The following ARMC9 variants were observed in gnomAD, a reference collection of about 807,000 sequenced individuals.
ARMC9 encodes the protein lisH domain-containing protein ARMC9.
In ARMC9, 94 loss-of-function variants were observed where a neutral mutation model predicts 107.0. The ratio of observed to expected loss-of-function variants is 0.88; its 90% CI spans 0.74 to 1.04. The LOEUF (loss-of-function observed/expected upper bound fraction) is 1.04, where lower values mean the gene tolerates loss of function less well. ARMC9 is among the 50% of genes least tolerant of loss of function. The probability of loss-of-function intolerance (pLI) is 0.00; values close to 1 mark genes in which losing one functional copy is unlikely to be tolerated. For synonymous variants in ARMC9, 380 were observed against 396.9 expected (o/e 0.96, Z 0.51); for missense variants, 942 against 1,030.1 (o/e 0.91, Z 1.17).
intron 17 of ARMC9, among the ~76,000 whole-genome samples, chr2:231,286,945 T>C (rs1490274354): frequency 1.3e-5 from 2 of 152,110 alleles, no homozygotes; most frequent in African/African-American, 4.8e-5. Flanking sequence ...ATCAGATAAG[T>C]GGAGCTGCCC....
At chr2:231,231,125 G>T (rs1038826272) in intron 7 of ARMC9, among the ~76,000 whole-genome samples, 3 of 152,184 alleles carry the variant, frequency 2.0e-5, no homozygotes, top group Admixed American at 1.3e-4. Flanking sequence ...ACTTCCGGGG[G>T]GAAGGGTTCC....
intron 1 of ARMC9, among the ~76,000 whole-genome samples, chr2:231,202,529 C>G (rs955337130): frequency 2.0e-5 from 3 of 150,540 alleles, no homozygotes; most frequent in Non-Finnish European, 4.4e-5. Context: ...ACCACGTTGC[C>G]CAGGCTGGTC....
intron 3 of ARMC9, among the ~76,000 whole-genome samples, chr2:231,211,901 TTGTCACAAG>T (rs1481113176): frequency 6.6e-6 from 1 of 152,186 alleles, no homozygotes; most frequent in Non-Finnish European, 1.5e-5. Context: ...AACTTTCTGA[TTGTCACAAG>T]CATATCTTTT....
At chr2:231,257,675 CACTT>C (rs1396014870) in intron 10 of ARMC9, among the ~76,000 whole-genome samples, 9 of 152,142 alleles carry the variant, frequency 5.9e-5, no homozygotes, top group South Asian at 2.1e-4. Flanking sequence ...TCAGTTTCCT[CACTT>C]ACAAAATGAG....
chr2:231,268,954 C>A (rs945229199), intron 12 of ARMC9, among the ~76,000 whole-genome samples: 3 of 152,082 alleles, frequency 2.0e-5, no homozygotes, highest in Admixed American at 6.6e-5. Context: ...GTAGTCCCAG[C>A]TAACTCAGAA....
At chr2:231,324,189 G>A (rs2043169612) in intron 19 of ARMC9, among the ~76,000 whole-genome samples, 1 of 136,810 alleles carries the variant, frequency 7.3e-6, no homozygotes, top group South Asian at 2.3e-4. Context: ...GTGCAGTGGT[G>A]CAATCTCGGC....
chr2:231,235,639 C>A (rs1174844423), intron 8 of ARMC9, among the ~76,000 whole-genome samples: 2 of 152,078 alleles, frequency 1.3e-5, no homozygotes, highest in South Asian at 2.1e-4. Flanking sequence ...CTACTTTATT[C>A]TTTTTTGTTT....
rs114968939 is a variant in ARMC9 at position 231,255,069 on chromosome 2, C to T, written c.880-1517C>T. Among the ~76,000 whole-genome samples the T allele has an allele frequency of 5.4e-3, 828 of 152,194 alleles. 8 individuals carry two copies. Among genetic ancestry groups the T allele is most frequent in the African/African-American group, 0.018 (745 of 41,518 alleles). On this transcript the variant is annotated intron_variant, in intron 9 of 24. Coordinates refer to ENST00000611582, the MANE Select transcript of ARMC9 (RefSeq NM_001352754.2). The surrounding 1 kb of genome is among the most constrained non-coding windows in gnomAD (Gnocchi z 4.7). ...CTTATTTTCTCAAAATATCTTTTTACAGTTGGTTTATTTGAGTCAGTTCAA... is the reference window on the plus strand; with the variant it reads ...CTTATTTTCTCAAAATATCTTTTTATAGTTGGTTTATTTGAGTCAGTTCAA...
rs2039487542 is a variant in ARMC9 at position 231,273,163 on chromosome 2, A to AT, written c.1334+90dup. On this transcript the variant is annotated intron_variant, in intron 14 of 24. Coordinates refer to ENST00000611582, the MANE Select transcript of ARMC9 (RefSeq NM_001352754.2). ...CATGGCAACCCAGGAGGCAGATGGT[A>AT]TTTTTCCACTACACTTTGGAGAGGT... The AT allele has an allele frequency of 2.0e-6, 3 of 1,514,284 alleles. No homozygotes were observed. In the African/African-American group the frequency reaches 4.2e-5, roughly 21 times the overall value. 93.8% of individuals were successfully genotyped at this position (1,514,284 alleles called of 1,614,324 possible). A position where few individuals can be genotyped will look rare whatever the true frequency, so the allele number is the denominator to read the frequency against.
intron 19 of ARMC9, among the ~76,000 whole-genome samples, chr2:231,324,527 A>G (rs2043203817): frequency 1.3e-5 from 2 of 150,648 alleles, no homozygotes. Context: ...CAAGGTGGGC[A>G]GATCACCTGA....
At chr2:231,339,062 G>T (rs761375141) in intron 20 of ARMC9, among the ~76,000 whole-genome samples, 1 of 152,196 alleles carries the variant, frequency 6.6e-6, no homozygotes, top group African/African-American at 2.4e-5. Context: ...GGGTGTGGTG[G>T]CTCACGCCTG....
chr2:231,333,479 T>C (rs906997221), intron 20 of ARMC9, among the ~76,000 whole-genome samples: 6 of 152,100 alleles, frequency 3.9e-5, no homozygotes, highest in Non-Finnish European at 7.4e-5. Context: ...ATTAAAGTAG[T>C]CTAATTGGCT....
chr2:231,215,528 C>A (rs551878098), intron 4 of ARMC9, among the ~76,000 whole-genome samples: 2 of 152,184 alleles, frequency 1.3e-5, no homozygotes, highest in African/African-American at 2.4e-5. Context: ...AAGAGTACGT[C>A]TCTTTGTGGA....
intron 8 of ARMC9, 137 bp from the exon 9 acceptor site, chr2:231,239,806 T>A: frequency 1.4e-6 from 1 of 716,802 alleles, no homozygotes; most frequent in Non-Finnish European, 2.4e-6. Flanking sequence ...CAAATGATTA[T>A]TTTTCTGGCT....
chr2:231,200,169 G>A (rs2030600732), intron 1 of ARMC9, among the ~76,000 whole-genome samples: 1 of 152,136 alleles, frequency 6.6e-6, no homozygotes, highest in African/African-American at 2.4e-5. Flanking sequence ...GAGTGTTCTA[G>A]GCGGAGAGAG....
In ARMC9 at chr2:231,360,301, C is replaced by A. The variant is rs1038781330; in HGVS notation, c.2132-453C>A. 6.6e-6 allele frequency among the ~76,000 whole-genome samples: 1 copy of A among 152,126 alleles called. No individual in the cohort carries two copies. The highest frequency in any genetic ancestry group is 1.5e-5 in the Non-Finnish European group (1 of 68,012). On this transcript the variant is annotated intron_variant, in intron 22 of 24. Coordinates refer to ENST00000611582, the MANE Select transcript of ARMC9 (RefSeq NM_001352754.2). The surrounding 1 kb of genome is among the most constrained non-coding windows in gnomAD (Gnocchi z 4.7). Reference sequence around the variant, plus strand: ...TACCGAGTGGTTCAGCATTAAGGAGCCTTGGGCTGCTCGGTGAGGAGCACC... The same window carrying A: ...TACCGAGTGGTTCAGCATTAAGGAGACTTGGGCTGCTCGGTGAGGAGCACC...
At chr2:231,323,785 C>G (rs1337715127) in intron 19 of ARMC9, among the ~76,000 whole-genome samples, 1 of 152,182 alleles carries the variant, frequency 6.6e-6, no homozygotes, top group Non-Finnish European at 1.5e-5. Flanking sequence ...GAATTAGAAC[C>G]TTGGTACAAA....
At chr2:231,361,469 AAAAAG>A (rs1172084131) in intron 23 of ARMC9, among the ~76,000 whole-genome samples, 3 of 151,684 alleles carry the variant, frequency 2.0e-5, no homozygotes, top group Non-Finnish European at 4.4e-5. Context: ...CTAAAAAAAA[AAAAAG>A]AAAAGAAAAA....
chr2:231,205,605 G>C (rs1419714605), intron 1 of ARMC9, among the ~76,000 whole-genome samples: 2 of 152,160 alleles, frequency 1.3e-5, no homozygotes, highest in East Asian at 3.9e-4. Context: ...AGAAAGAGTA[G>C]GAAGAGTTTC....
Sources: allele counts gnomAD v4.1 joint callset (sites outside exome capture counted in the v4.1 genomes callset), GRCh38; gene constraint gnomAD v4.1.1; non-coding constraint Gnocchi (gnomAD v3.1); transcripts MANE v1.5; gene names NCBI Gene and HGNC (gene_info 2026-07-23, HGNC 2026-07-21).